The following PHACTR1 variants were observed in gnomAD, a reference collection of about 807,000 sequenced individuals.
The protein encoded by PHACTR1 is RPEL repeat containing 1.
A neutral mutation model predicts 69.2 loss-of-function variants in PHACTR1; 16 were observed. The observed-to-expected ratio is 0.23, with a 90% CI of 0.16 to 0.35. The LOEUF is 0.35. Among genes scored for constraint, PHACTR1 ranks in the 10% least tolerant of loss-of-function variants. The probability of loss-of-function intolerance (pLI) is 1.00; values close to 1 mark genes in which losing one functional copy is unlikely to be tolerated. For synonymous variants in PHACTR1, 312 were observed against 284.5 expected, an observed-to-expected ratio of 1.10 and a Z score of -0.97; for missense variants, 510 against 734.7, an observed-to-expected ratio of 0.69 and a Z score of 3.54.
chr6:13,203,418 G>T (rs1409570138), intron 7 of PHACTR1, among the ~76,000 whole-genome samples: 1 of 152,234 alleles, frequency 6.6e-6, no homozygotes, highest in African/African-American at 2.4e-5. Flanking sequence ...CAGACTTGTT[G>T]TAAGGATTAA....
intron 4 of PHACTR1, among the ~76,000 whole-genome samples, chr6:12,937,804 A>T (rs1195896065): frequency 6.6e-6 from 1 of 152,204 alleles, no homozygotes; most frequent in Non-Finnish European, 1.5e-5. Context: ...AATGCAAAAG[A>T]TAAAACAGAA....
At chr6:13,175,373 C>T in intron 6 of PHACTR1, among the ~76,000 whole-genome samples, 1 of 152,154 alleles carries the variant, frequency 6.6e-6, no homozygotes. Context: ...CAGGCATCAT[C>T]CAACACAGTC....
chr6:12,779,102 G>A (rs1055446456), intron 4 of PHACTR1, among the ~76,000 whole-genome samples: 1 of 152,186 alleles, frequency 6.6e-6, no homozygotes, highest in Admixed American at 6.5e-5. Context: ...TTGAGAGGCC[G>A]AGGCTGGCGG....
intron 3 of PHACTR1, among the ~76,000 whole-genome samples, chr6:12,722,869 G>A (rs929542652): frequency 6.6e-6 from 1 of 152,156 alleles, no homozygotes; most frequent in African/African-American, 2.4e-5. Flanking sequence ...CACGAAGGGA[G>A]TTCTGCGGAA....
At chr6:12,909,652 C>G (rs1424233293) in intron 4 of PHACTR1, among the ~76,000 whole-genome samples, 1 of 152,092 alleles carries the variant, frequency 6.6e-6, no homozygotes, top group African/African-American at 2.4e-5. Flanking sequence ...GCCCATGTAT[C>G]CCCTCCAGGT....
chr6:12,830,808 C>T (rs1398604230), intron 4 of PHACTR1, among the ~76,000 whole-genome samples: 1 of 151,818 alleles, frequency 6.6e-6, no homozygotes, highest in East Asian at 1.9e-4. Context: ...GTTGGCCAGG[C>T]TGGTCTCGAA....
At chr6:12,946,692 T>C (rs927530923) in intron 4 of PHACTR1, among the ~76,000 whole-genome samples, 1 of 151,812 alleles carries the variant, frequency 6.6e-6, no homozygotes, top group African/African-American at 2.4e-5. Flanking sequence ...AAAAGTAGCT[T>C]AGAGTAAGTG....
At chr6:13,238,814 A>G (rs988807037) in intron 10 of PHACTR1, among the ~76,000 whole-genome samples, 1 of 152,184 alleles carries the variant, frequency 6.6e-6, no homozygotes, top group Non-Finnish European at 1.5e-5. Flanking sequence ...CTGCAGAAAC[A>G]CTTTCTAAAA....
At chr6:13,286,293 C>T in intron 14 of PHACTR1, 71 bp downstream of exon 14, 1 of 1,304,932 alleles carries the variant, frequency 7.7e-7, no homozygotes, top group East Asian at 2.7e-5. Context: ...ATAAAGCTCT[C>T]CCACTTGTGG....
intron 4 of PHACTR1, among the ~76,000 whole-genome samples, chr6:12,899,683 A>G (rs972778269): frequency 6.6e-6 from 1 of 152,238 alleles, no homozygotes; most frequent in African/African-American, 2.4e-5. Context: ...CCCAAAGGAC[A>G]TCTTTATGCT....
intron 5 of PHACTR1, among the ~76,000 whole-genome samples, chr6:13,080,777 T>C (rs1394132918): frequency 1.3e-5 from 2 of 152,036 alleles, no homozygotes; most frequent in Non-Finnish European, 2.9e-5. Context: ...GAAATGACAA[T>C]AAATATGTGT....
At chr6:13,171,098 AC>A (rs1170780364) in intron 6 of PHACTR1, among the ~76,000 whole-genome samples, 5 of 152,312 alleles carry the variant, frequency 3.3e-5, no homozygotes, top group Admixed American at 3.3e-4. Context: ...TATGGTCTCC[AC>A]CAGCCACCTG....
intron 5 of PHACTR1, among the ~76,000 whole-genome samples, chr6:13,077,091 T>TA (rs555770797): frequency 0.02 from 1,444 of 72,476 alleles, 13 homozygotes; most frequent in African/African-American, 0.07. Context: ...TAAAGTATAA[T>TA]AAAAAAAAAA....
At chr6:13,010,300 G>A (rs1374981453) in intron 4 of PHACTR1, among the ~76,000 whole-genome samples, 1 of 152,042 alleles carries the variant, frequency 6.6e-6, no homozygotes, top group Admixed American at 6.5e-5. Flanking sequence ...GCTAATTTTT[G>A]TGTTTTTAGT....
At chr6:13,271,889 G>A (rs1033152911) in intron 10 of PHACTR1, among the ~76,000 whole-genome samples, 6 of 152,044 alleles carry the variant, frequency 3.9e-5, no homozygotes, top group African/African-American at 7.3e-5. Context: ...TACCCAAGGA[G>A]GGACTGCAAC....
chr6:12,760,787 G>T (rs935658397), intron 4 of PHACTR1, among the ~76,000 whole-genome samples: 1 of 152,148 alleles, frequency 6.6e-6, no homozygotes, highest in Non-Finnish European at 1.5e-5. Flanking sequence ...ACAAAAATTA[G>T]CTGGGCGTGA....
intron 4 of PHACTR1, among the ~76,000 whole-genome samples, chr6:13,041,143 G>A (rs1169351775): frequency 6.6e-6 from 1 of 151,872 alleles, no homozygotes; most frequent in Non-Finnish European, 1.5e-5. Flanking sequence ...AGTCCCCAAA[G>A]GAATTAACAG....
chr6:13,082,950 T>G (rs1811647749), intron 5 of PHACTR1, among the ~76,000 whole-genome samples: 1 of 152,232 alleles, frequency 6.6e-6, no homozygotes, highest in South Asian at 2.1e-4. Flanking sequence ...TTAGTTTAAT[T>G]AGATCTCATT....
chr6:13,107,237 A>G (rs1255965653), intron 5 of PHACTR1, among the ~76,000 whole-genome samples: 2 of 152,086 alleles, frequency 1.3e-5, no homozygotes, highest in Non-Finnish European at 2.9e-5. Context: ...CAGTCTCCTG[A>G]GTAGCTGGGA....
Sources: allele counts gnomAD v4.1 joint callset (sites outside exome capture counted in the v4.1 genomes callset), GRCh38; gene constraint gnomAD v4.1.1; transcripts MANE v1.5; gene names NCBI Gene and HGNC (gene_info 2026-07-23, HGNC 2026-07-21).